Variants in H3-3A observed in about 807,000 individuals in gnomAD.
H3-3A encodes the protein H3.3 histone A, also known as histone H3.3.
For missense variants in H3-3A, 7 were observed against 184.0 expected (o/e 0.04, Z 5.57); for synonymous variants, 49 against 61.4 (o/e 0.80, Z 0.95).
chr1:226,068,419 C>T (rs1223740371), intron 3 of H3-3A, among the ~76,000 whole-genome samples: 2 of 152,206 alleles, frequency 1.3e-5, no homozygotes. Flanking sequence ...TGCATAGTAG[C>T]TTGTACCACA....
chr1:226,067,075 C>T (rs1354294416), intron 3 of H3-3A: 1 of 152,156 alleles, frequency 6.6e-6, no homozygotes, highest in African/African-American at 2.4e-5. Flanking sequence ...AGAAATGTTA[C>T]TAAGATTCGT....
chr1:226,070,864 A>G (rs1385866778), intron 3 of H3-3A, among the ~76,000 whole-genome samples: 1 of 152,202 alleles, frequency 6.6e-6, no homozygotes, highest in Non-Finnish European at 1.5e-5. Flanking sequence ...GGGAACATAG[A>G]TGAGAAGCAT....
intron 2 of H3-3A, 103 bp downstream of exon 2, chr1:226,064,582 CT>C (rs3832021): frequency 0.017 from 13,620 of 790,522 alleles, 390 homozygotes; most frequent in East Asian, 0.1. Flanking sequence ...TTTAGAGAAA[CT>C]TTTTTTTTTC....
chr1:226,069,924 G>A (rs1658050137), intron 3 of H3-3A, among the ~76,000 whole-genome samples: 1 of 152,202 alleles, frequency 6.6e-6, no homozygotes. Flanking sequence ...CTAAGAATTT[G>A]AGTTATGAGT....
At position 226,070,453 on chromosome 1, in the gene H3-3A, CAAAG is replaced by C. The variant is rs538804139; in HGVS notation, c.283-896_283-893del. Among the ~76,000 whole-genome samples the C allele has an allele frequency of 8.4e-3, 1,259 of 150,754 alleles. 18 individuals carry two copies. Among genetic ancestry groups the C allele is most frequent in the African/African-American group, 0.03 (1,207 of 40,904 alleles). On this transcript the variant is annotated intron_variant, in intron 3 of 3. Transcript: ENST00000366815. The stretch of plus-strand genomic sequence containing the variant: ...TGCCACTGCACTCCAGCCTGGGCAA[CAAAG>C]AGAGACTCCGTCTCAAAATAAATAA...
chr1:226,062,748 G>C lies in H3-3A; in HGVS notation c.-87G>C, dbSNP rs544221967. 1.2e-5 allele frequency: 2 copies of C among 167,596 alleles called. No homozygotes were observed. Among genetic ancestry groups the C allele is most frequent in the Admixed American group, 6.5e-5 (1 of 15,442 alleles). 10.4% of individuals were successfully genotyped at this position (167,596 alleles called of 1,614,324 possible). ...TTGTGTTCGCAGCCGCCGCCGCGCC[G>C]CCGTCGCTCTCCAACGCCAGCGCCG... On this transcript the variant is annotated 5_prime_UTR_variant, in exon 1 of 4. Transcript: ENST00000366815.
chr1:226,066,674 T>TC (rs1185508872), intron 3 of H3-3A: 1 of 152,262 alleles, frequency 6.6e-6, no homozygotes, highest in Non-Finnish European at 1.5e-5. Flanking sequence ...AGCTACCACC[T>TC]CCATCAGAAG....
intron 3 of H3-3A, among the ~76,000 whole-genome samples, chr1:226,067,843 C>G (rs1476570508): frequency 6.6e-6 from 1 of 151,980 alleles, no homozygotes; most frequent in Non-Finnish European, 1.5e-5. Context: ...TGTTTTTGGC[C>G]TTAGAATTAC....
rs558712741 is a variant in H3-3A, at chr1:226,064,849, A to G, written c.128+370A>G. 2.6e-5 allele frequency among the ~76,000 whole-genome samples: 4 copies of G among 152,314 alleles called. No homozygotes were observed. The East Asian group carries it at 7.7e-4, about 29-fold the overall frequency. On this transcript the variant is annotated intron_variant, in intron 2 of 3. Coordinates refer to ENST00000366815, the MANE Select transcript of H3-3A (RefSeq NM_002107.7). ...AGGTTATCTTTCCTAGTTTTTGGCAAAATAATAATATAATCGAGATTGGGT... is the reference window on the plus strand; with the variant it reads ...AGGTTATCTTTCCTAGTTTTTGGCAGAATAATAATATAATCGAGATTGGGT...
chr1:226,062,156 T>C (rs1031307044), upstream of H3-3A: 1 of 151,786 alleles, frequency 6.6e-6, no homozygotes, highest in Non-Finnish European at 1.5e-5. Flanking sequence ...GGGAGCGTTT[T>C]CCAATGGGGC....
Position 226,065,645 on chromosome 1 carries a change from AT to A in H3-3A, c.129-5del, listed in dbSNP as rs749076733. Reference sequence around the variant, plus strand: ...GTTTTTGGTAACAGTTTCTTTATTAATTTTTTAAAGGCCTGGTACTGTGGCG... The same window carrying A: ...GTTTTTGGTAACAGTTTCTTTATTAATTTTTAAAGGCCTGGTACTGTGGCG... On this transcript the variant is annotated splice_polypyrimidine_tract_variant and intron_variant, in intron 2 of 3. Coordinates refer to ENST00000366815, the MANE Select transcript of H3-3A (RefSeq NM_002107.7). 2 of 1,524,988 alleles carry A rather than the reference AT, an allele frequency of 1.3e-6. No individual in the cohort carries two copies. The highest frequency in any genetic ancestry group is 4.3e-5 in the Admixed American group (2 of 46,706). 94.5% of individuals were successfully genotyped at this position (1,524,988 alleles called of 1,614,324 possible).
intron 3 of H3-3A, chr1:226,066,183 G>A (rs1360865792): frequency 3.2e-6 from 1 of 312,718 alleles, no homozygotes; most frequent in Non-Finnish European, 5.9e-6. Flanking sequence ...AAACAACAGT[G>A]CCTAGAATAA....
chr1:226,065,637 CTTTA>C lies in H3-3A; in HGVS notation c.129-16_129-13del. ...CTAGTTATGTTTTTGGTAACAGTTT[CTTTA>C]TTAATTTTTTAAAGGCCTGGTACTG... On this transcript the variant is annotated splice_polypyrimidine_tract_variant and intron_variant, in intron 2 of 3. Transcript: ENST00000366815. 1 of 1,522,532 alleles carries C rather than the reference CTTTA, an allele frequency of 6.6e-7. No individual in the cohort carries two copies. The allele number at this position is 1,522,532 out of a possible 1,614,324, so 94.3% of individuals were successfully genotyped here.
chr1:226,069,280 C>T (rs991574810), intron 3 of H3-3A, among the ~76,000 whole-genome samples: 3 of 152,096 alleles, frequency 2.0e-5, no homozygotes, highest in Non-Finnish European at 2.9e-5. Context: ...CTCCTGACCT[C>T]GGGTGATCTG....
chr1:226,069,614 C>T (rs1658037703), intron 3 of H3-3A, among the ~76,000 whole-genome samples: 1 of 151,872 alleles, frequency 6.6e-6, no homozygotes, highest in Admixed American at 6.6e-5. Flanking sequence ...GGCAGATCAC[C>T]TGAAGTTAGG....
intron 3 of H3-3A, 142 bp from the exon 4 acceptor site, chr1:226,071,209 G>A (rs1675638232): frequency 1.7e-5 from 11 of 628,846 alleles, no homozygotes; most frequent in Admixed American, 6.0e-5. Flanking sequence ...GTTGTAAAAT[G>A]TAAGCATTTG....
Position 226,064,954 on chromosome 1 carries a change from T to A in H3-3A, c.128+475T>A, listed in dbSNP as rs527653714. Among the ~76,000 whole-genome samples the A allele has an allele frequency of 2.0e-5, 3 of 152,340 alleles. No individual in the cohort carries two copies. The East Asian group carries it at 5.8e-4, about 29-fold the overall frequency. On this transcript the variant is annotated intron_variant, in intron 2 of 3. Transcript: ENST00000366815. Reference sequence around the variant, plus strand: ...TTAGCTCTTTTGATTGTGAACTACCTGAGCCACTGTGTTGTTAAGGGCATC... The same window carrying A: ...TTAGCTCTTTTGATTGTGAACTACCAGAGCCACTGTGTTGTTAAGGGCATC...
rs1330415060 is a variant in H3-3A, at chr1:226,066,012, T to A, written c.282+203T>A. The A allele has an allele frequency of 4.5e-5, 27 of 606,178 alleles. 1 individual carries two copies. In the East Asian group the frequency reaches 7.4e-4, roughly 17 times the overall value. The allele number at this position is 606,178 out of a possible 1,614,324, so 37.5% of individuals were successfully genotyped here. ...TGGCAAAACCATAATTTGAACCTAT[T>A]TGACTCCAAGGCTTAGTGCACATTC... On this transcript the variant is annotated intron_variant, in intron 3 of 3. Coordinates refer to ENST00000366815, the MANE Select transcript of H3-3A (RefSeq NM_002107.7).
At chr1:226,063,427 C>G (rs951522860) in intron 1 of H3-3A, among the ~76,000 whole-genome samples, 14 of 149,960 alleles carry the variant, frequency 9.3e-5, no homozygotes, top group Admixed American at 3.3e-4. Context: ...GCAAAAAAAA[C>G]TTTTGCATTT....
Sources: allele counts gnomAD v4.1 joint callset (sites outside exome capture counted in the v4.1 genomes callset), GRCh38; gene constraint gnomAD v4.1.1; transcripts MANE v1.5; gene names NCBI Gene and HGNC (gene_info 2026-07-23, HGNC 2026-07-21).